Variants in ADAMTS3 observed in about 807,000 individuals in gnomAD.
The protein encoded by ADAMTS3 is A disintegrin and metalloproteinase with thrombospondin motifs 3.
ADAMTS3 carries 73 observed loss-of-function variants against 129.0 expected under a neutral mutation model. The observed-to-expected ratio is 0.57, with a 90% CI of 0.47 to 0.69. The LOEUF (loss-of-function observed/expected upper bound fraction) is 0.69. Among genes scored for constraint, ADAMTS3 ranks in the 30% least tolerant of loss-of-function variants. The pLI is 0.00. For missense variants in ADAMTS3, 1,457 were observed against 1,514.5 expected (o/e 0.96, Z 0.63); for synonymous variants, 477 against 510.8 (o/e 0.93, Z 0.89).
chr4:72,290,720 C>A, intron 20 of ADAMTS3, 135 bp downstream of exon 20: 1 of 926,292 alleles, frequency 1.1e-6, no homozygotes, highest in South Asian at 1.6e-5. Flanking sequence ...TTTCCTAACA[C>A]CTCCAGGTAA....
Position 72,568,819 on chromosome 4 carries a change from ACC to A in ADAMTS3, c.-59_-58del, listed in dbSNP as rs368868980. The A allele has an allele frequency of 1.2e-5, 6 of 495,326 alleles. No homozygotes were observed. The African/African-American group carries it at 2.2e-4, about 18-fold the overall frequency. 30.7% of individuals were successfully genotyped at this position (495,326 alleles called of 1,614,324 possible). A position where few individuals can be genotyped will look rare whatever the true frequency, so the allele number is the denominator to read the frequency against. On this transcript the variant is annotated 5_prime_UTR_variant, in exon 1 of 22. Transcript: ENST00000286657. ...CAAAGCAAATGCCCAGAGCAAACCC[ACC>A]CCCCCCGCCCAAAATAAGTTTCTTT...
rs746700666 is a variant in ADAMTS3, at chr4:72,548,458, C to A, written c.504+20G>T. The A allele has an allele frequency of 1.9e-6, 3 of 1,607,090 alleles. No homozygotes were observed. Among genetic ancestry groups the A allele is most frequent in the Non-Finnish European group, 2.6e-6 (3 of 1,175,350 alleles). On this transcript the variant is annotated intron_variant, in intron 3 of 21. Transcript: ENST00000286657. ...CTCCCAGCACCTGCAAACATACGCA[C>A]AAAACAGAAGGAGTCTTACCAGACC...
intron 4 of ADAMTS3, among the ~76,000 whole-genome samples, chr4:72,377,520 C>T (rs1425447042): frequency 2.6e-5 from 4 of 152,182 alleles, no homozygotes; most frequent in South Asian, 2.1e-4. Context: ...CCTATCTAGA[C>T]GGCTAAAGGA....
intron 3 of ADAMTS3, among the ~76,000 whole-genome samples, chr4:72,525,765 G>C (rs1038162127): frequency 6.6e-6 from 1 of 152,134 alleles, no homozygotes; most frequent in Non-Finnish European, 1.5e-5. Flanking sequence ...GCCCTCAGAA[G>C]CAAGTGTATT....
At chr4:72,483,580 G>A (rs1000328161) in intron 3 of ADAMTS3, among the ~76,000 whole-genome samples, 2 of 152,140 alleles carry the variant, frequency 1.3e-5, no homozygotes, top group African/African-American at 4.8e-5. Context: ...GTTTGCCCCA[G>A]TCTCAAGTGT....
intron 5 of ADAMTS3, among the ~76,000 whole-genome samples, chr4:72,337,354 T>C (rs1720017678): frequency 6.6e-6 from 1 of 152,150 alleles, no homozygotes; most frequent in Non-Finnish European, 1.5e-5. Context: ...TGTTATTCCT[T>C]TGACACTCTC....
intron 3 of ADAMTS3, among the ~76,000 whole-genome samples, chr4:72,540,898 C>A (rs1008093236): frequency 3.3e-5 from 5 of 152,222 alleles, no homozygotes; most frequent in Admixed American, 2.6e-4. Context: ...GCAGCACTCT[C>A]ATGGAGAATC....
chr4:72,503,791 T>G (rs1431832884), intron 3 of ADAMTS3, among the ~76,000 whole-genome samples: 1 of 152,216 alleles, frequency 6.6e-6, no homozygotes, highest in Non-Finnish European at 1.5e-5. Context: ...ATGTTGGATG[T>G]GTATATATTT....
intron 3 of ADAMTS3, among the ~76,000 whole-genome samples, chr4:72,475,420 T>C (rs1056104414): frequency 6.6e-6 from 1 of 151,872 alleles, no homozygotes; most frequent in African/African-American, 2.4e-5. Context: ...CAGAAAGAGA[T>C]ATTATATAAT....
intron 4 of ADAMTS3, among the ~76,000 whole-genome samples, chr4:72,399,889 ATATACGTGTGTATATATG>A (rs1424419271): frequency 2.2e-3 from 157 of 71,704 alleles, no homozygotes; most frequent in Admixed American, 4.3e-3. Flanking sequence ...CACGGTGTGT[ATATACGTGTGTATATATG>A]CACACACGGT....
chr4:72,541,928 A>G (rs1721341544), intron 3 of ADAMTS3, among the ~76,000 whole-genome samples: 1 of 152,212 alleles, frequency 6.6e-6, no homozygotes, highest in Non-Finnish European at 1.5e-5. Flanking sequence ...TACTCTGTGT[A>G]TGTATTCATA....
intron 3 of ADAMTS3, among the ~76,000 whole-genome samples, chr4:72,458,831 T>G (rs1300046653): frequency 6.6e-6 from 1 of 151,560 alleles, no homozygotes; most frequent in Non-Finnish European, 1.5e-5. Context: ...CACACCATTT[T>G]CAGTAAGAAC....
At chr4:72,327,186 A>G (rs1410868764) in intron 5 of ADAMTS3, among the ~76,000 whole-genome samples, 1 of 152,180 alleles carries the variant, frequency 6.6e-6, no homozygotes, top group East Asian at 1.9e-4. Context: ...GGAAATTCTC[A>G]TGATCTGGCT....
chr4:72,324,744 C>A (rs778863334), intron 5 of ADAMTS3, among the ~76,000 whole-genome samples: 5 of 152,038 alleles, frequency 3.3e-5, no homozygotes, highest in Admixed American at 6.6e-5. Context: ...CTACAGAAAA[C>A]CTGAAGTATT....
At chr4:72,364,023 TA>T (rs1007167931) in intron 4 of ADAMTS3, among the ~76,000 whole-genome samples, 1 of 152,042 alleles carries the variant, frequency 6.6e-6, no homozygotes, top group Admixed American at 6.6e-5. Context: ...CTTTAATATT[TA>T]AAAAAACACA....
intron 3 of ADAMTS3, among the ~76,000 whole-genome samples, chr4:72,511,977 T>C (rs1308029460): frequency 6.6e-6 from 1 of 152,196 alleles, no homozygotes; most frequent in African/African-American, 2.4e-5. Context: ...TGGATGCAAC[T>C]GGAGATCATT....
rs140141213 is a variant in ADAMTS3, at chr4:72,294,598, T to C, written c.2723+1056A>G. ...TTTTTATTTTTCAATTAAAAAACTC[T>C]ATAAGTACACAGCACAACGATGAGT... On this transcript the variant is annotated intron_variant, in intron 19 of 21. Coordinates refer to ENST00000286657, the MANE Select transcript of ADAMTS3 (RefSeq NM_014243.3). 2.4e-4 allele frequency among the ~76,000 whole-genome samples: 37 copies of C among 152,210 alleles called. 1 individual carries two copies. In the East Asian group the frequency reaches 6.6e-3, roughly 27 times the overall value.
At chr4:72,382,387 T>G (rs181444181) in intron 4 of ADAMTS3, among the ~76,000 whole-genome samples, 46 of 150,900 alleles carry the variant, frequency 3.0e-4, no homozygotes, top group African/African-American at 1.1e-3. Context: ...TCTATGATAT[T>G]GAGTTCTGCT....
chr4:72,480,251 T>G (rs992307321), intron 3 of ADAMTS3, among the ~76,000 whole-genome samples: 12 of 152,286 alleles, frequency 7.9e-5, no homozygotes, highest in African/African-American at 2.6e-4. Context: ...CACACGTATG[T>G]TTATTGTGGC....
Sources: allele counts gnomAD v4.1 joint callset (sites outside exome capture counted in the v4.1 genomes callset), GRCh38; gene constraint gnomAD v4.1.1; transcripts MANE v1.5; gene names NCBI Gene and HGNC (gene_info 2026-07-23, HGNC 2026-07-21).